The following PPM1E variants were observed in gnomAD, a reference collection of about 807,000 sequenced individuals.
PPM1E encodes the protein protein phosphatase, Mg2+/Mn2+ dependent 1E.
In PPM1E, 20 loss-of-function variants were observed where a neutral mutation model predicts 65.9. The observed-to-expected ratio is 0.30, with a 90% CI of 0.21 to 0.44. The LOEUF is 0.44. PPM1E is among the 20% of genes least tolerant of loss of function. The pLI is 1.00. For synonymous variants in PPM1E, 352 were observed against 374.9 expected (o/e 0.94, Z 0.70); for missense variants, 713 against 953.1 (o/e 0.75, Z 3.32).
intron 1 of PPM1E, among the ~76,000 whole-genome samples, chr17:58,816,753 T>TAA (rs2050420106): frequency 1.8e-4 from 1 of 5,664 alleles, no homozygotes; most frequent in African/African-American, 9.5e-4. Context: ...TATATATATA[T>TAA]ATATATATAT....
Position 58,899,147 on chromosome 17 carries a change from TAAAGTA to T in PPM1E, c.465-56501_465-56496del, listed in dbSNP as rs567086193. Among the ~76,000 whole-genome samples, 138 of 151,338 alleles carry T rather than the reference TAAAGTA, an allele frequency of 9.1e-4. 1 individual carries two copies. Among genetic ancestry groups the T allele is most frequent in the African/African-American group, 3.3e-3 (135 of 41,216 alleles). ...CGTTGTGCACATGTACCCCAGAACT[TAAAGTA>T]TAATATATAAAAAAAAGAAAAACAA... On this transcript the variant is annotated intron_variant, in intron 1 of 6. Coordinates refer to ENST00000308249, the MANE Select transcript of PPM1E (RefSeq NM_014906.5).
chr17:58,973,034 T>G, intron 6 of PPM1E, 109 bp downstream of exon 6: 1 of 667,788 alleles, frequency 1.5e-6, no homozygotes, highest in Non-Finnish European at 2.6e-6. Flanking sequence ...ACCAGAATGC[T>G]TATTATTCTT....
At chr17:58,840,264 A>G (rs112826220) in intron 1 of PPM1E, among the ~76,000 whole-genome samples, 2,299 of 152,314 alleles carry the variant, frequency 0.015, 55 homozygotes, top group African/African-American at 0.052. Context: ...GGGCTTGGTC[A>G]TATAGACATG....
intron 1 of PPM1E, among the ~76,000 whole-genome samples, chr17:58,807,443 G>C (rs933773687): frequency 1.3e-5 from 2 of 152,122 alleles, no homozygotes; most frequent in African/African-American, 4.8e-5. Context: ...AGTATATAAA[G>C]TGAAAAATGT....
chr17:58,944,897 TGTTAAGGAA>T (rs1336890486), intron 1 of PPM1E, among the ~76,000 whole-genome samples: 29 of 152,216 alleles, frequency 1.9e-4, no homozygotes, highest in Non-Finnish European at 3.7e-4. Context: ...ATGTTTAAAA[TGTTAAGGAA>T]GTGCCAAAGC....
chr17:58,975,323 C>G (rs1306804296), intron 6 of PPM1E, among the ~76,000 whole-genome samples: 1 of 152,092 alleles, frequency 6.6e-6, no homozygotes, highest in East Asian at 1.9e-4. Flanking sequence ...AAGGGAAAAC[C>G]AAAGCAGGGA....
intron 1 of PPM1E, among the ~76,000 whole-genome samples, chr17:58,927,141 T>C (rs895306594): frequency 2.7e-5 from 4 of 149,830 alleles, no homozygotes; most frequent in African/African-American, 7.4e-5. Flanking sequence ...TTTTTTTTTT[T>C]TTTGAGGCAG....
At chr17:58,946,582 A>G (rs1000719289) in intron 1 of PPM1E, among the ~76,000 whole-genome samples, 4 of 152,092 alleles carry the variant, frequency 2.6e-5, no homozygotes, top group African/African-American at 9.7e-5. Flanking sequence ...CAGCCTCCCA[A>G]TTAGCTGGGA....
chr17:58,937,544 G>A (rs1301590227), intron 1 of PPM1E, among the ~76,000 whole-genome samples: 4 of 148,796 alleles, frequency 2.7e-5, no homozygotes, highest in Non-Finnish European at 5.9e-5. Context: ...TTACAGTCGT[G>A]AGCCACATAC....
chr17:58,907,158 A>G (rs1254211307), intron 1 of PPM1E, among the ~76,000 whole-genome samples: 3 of 152,152 alleles, frequency 2.0e-5, no homozygotes, highest in Admixed American at 6.5e-5. Flanking sequence ...AGGCAGGAGA[A>G]TCGCTTGAAC....
intron 1 of PPM1E, among the ~76,000 whole-genome samples, chr17:58,815,562 A>T (rs1001719238): frequency 6.6e-6 from 1 of 152,296 alleles, no homozygotes; most frequent in East Asian, 1.9e-4. Flanking sequence ...CTTACTTATT[A>T]TAGCTCTGTT....
rs764850521 is a variant in PPM1E at position 58,756,072 on chromosome 17, G to A, written c.75G>A (p.Pro25=). The A allele has an allele frequency of 3.5e-5, 57 of 1,612,504 alleles. No individual in the cohort carries two copies. Among genetic ancestry groups the A allele is most frequent in the Non-Finnish European group, 4.6e-5 (54 of 1,179,634 alleles). The part of the protein sequence containing the change: ...LELFLGEFRG[P]CGGGEPEPEP... ...TATTCCTGGGCGAGTTTCGCGGACC[G>A]TGCGGCGGCGGCGAGCCGGAGCCGG... is the stretch of plus-strand genomic sequence containing the variant. The change falls in exon 1 of 7, where the codon CCG becomes CCA. Residue 25 remains proline, a synonymous_variant. Coordinates refer to ENST00000308249, the MANE Select transcript of PPM1E (RefSeq NM_014906.5).
chr17:58,769,514 C>A (rs1266739376), intron 1 of PPM1E, among the ~76,000 whole-genome samples: 3 of 151,854 alleles, frequency 2.0e-5, no homozygotes, highest in Non-Finnish European at 2.9e-5. Context: ...GGAGGATGAT[C>A]TGAACCTGGG....
intron 1 of PPM1E, among the ~76,000 whole-genome samples, chr17:58,813,697 A>C (rs972825067): frequency 1.3e-5 from 2 of 152,246 alleles, no homozygotes; most frequent in Admixed American, 6.5e-5. Flanking sequence ...AAAATTACTA[A>C]GTTACACAGA....
At chr17:58,829,873 A>C (rs1356579823) in intron 1 of PPM1E, among the ~76,000 whole-genome samples, 2 of 152,162 alleles carry the variant, frequency 1.3e-5, no homozygotes, top group Non-Finnish European at 2.9e-5. Flanking sequence ...TTGTTAGCCT[A>C]GTTGGGTACA....
chr17:58,893,987 T>A (rs57393236), intron 1 of PPM1E, among the ~76,000 whole-genome samples: 22 of 151,914 alleles, frequency 1.4e-4, no homozygotes, highest in Non-Finnish European at 2.6e-4. Context: ...AGTGGTAGGA[T>A]CCCTTGAGCT....
intron 1 of PPM1E, among the ~76,000 whole-genome samples, chr17:58,927,772 C>T (rs1036482543): frequency 6.6e-6 from 1 of 151,600 alleles, no homozygotes; most frequent in African/African-American, 2.4e-5. Flanking sequence ...AAAAATTAGC[C>T]AGGCGGCCGG....
chr17:58,794,591 G>A (rs1394219919), intron 1 of PPM1E, among the ~76,000 whole-genome samples: 1 of 152,058 alleles, frequency 6.6e-6, no homozygotes, highest in African/African-American at 2.4e-5. Flanking sequence ...AGGCCCCAGT[G>A]TCTGTTGTTT....
At chr17:58,922,942 A>T (rs2051771626) in intron 1 of PPM1E, among the ~76,000 whole-genome samples, 1 of 152,094 alleles carries the variant, frequency 6.6e-6, no homozygotes, top group African/African-American at 2.4e-5. Context: ...TTTTACAGCT[A>T]TATAAATAGA....
Sources: allele counts gnomAD v4.1 joint callset (sites outside exome capture counted in the v4.1 genomes callset), GRCh38; gene constraint gnomAD v4.1.1; transcripts MANE v1.5; gene names NCBI Gene and HGNC (gene_info 2026-07-23, HGNC 2026-07-21).